RAB3GAP1: variants seen among roughly 807,000 people sequenced by gnomAD.
RAB3GAP1 encodes the protein rab3 GTPase-activating protein catalytic subunit.
A neutral mutation model predicts 130.7 loss-of-function variants in RAB3GAP1; 86 were observed. That is an observed-to-expected ratio of 0.66 (90% CI 0.55 to 0.79). The LOEUF is 0.79. Ranked by LOEUF, RAB3GAP1 falls within the 30% of genes least tolerant of loss-of-function variation. The pLI is 0.00. For missense variants in RAB3GAP1, 1,029 were observed against 1,169.4 expected, an observed-to-expected ratio of 0.88 and a Z score of 1.75; for synonymous variants, 367 against 401.7, an observed-to-expected ratio of 0.91 and a Z score of 1.03.
chr2:135,104,820 C>T (rs911754787), intron 5 of RAB3GAP1, among the ~76,000 whole-genome samples: 4 of 152,126 alleles, frequency 2.6e-5, no homozygotes, highest in East Asian at 1.9e-4. Flanking sequence ...ACCCAGGAGG[C>T]GGAGGCCGCA....
rs537677167 is a variant in RAB3GAP1, at chr2:135,085,683, A to G, written c.151-5315A>G. Among the ~76,000 whole-genome samples the G allele has an allele frequency of 1.6e-4, 24 of 152,308 alleles. No homozygotes were observed. The South Asian group carries it at 4.3e-3, about 28-fold the overall frequency. Reference sequence around the variant, plus strand: ...GCCATTACTGTCTTTTCTTTAGGAAAAAGAGCATCTTCCTCTCACCAACCC... The same window carrying G: ...GCCATTACTGTCTTTTCTTTAGGAAGAAGAGCATCTTCCTCTCACCAACCC... On this transcript the variant is annotated intron_variant, in intron 3 of 23. Transcript: ENST00000264158.
intron 6 of RAB3GAP1, 110 bp from the exon 7 acceptor site, chr2:135,115,106 A>G: frequency 9.8e-7 from 1 of 1,025,030 alleles, no homozygotes; most frequent in Non-Finnish European, 1.5e-6. Context: ...TTGTGTTTCC[A>G]GTTTAGTGCT....
At chr2:135,073,866 T>A (rs1689546901) in intron 3 of RAB3GAP1, among the ~76,000 whole-genome samples, 1 of 152,158 alleles carries the variant, frequency 6.6e-6, no homozygotes, top group South Asian at 2.1e-4. Flanking sequence ...AGGGGCTTCA[T>A]CCCATGATGG....
intron 19 of RAB3GAP1, among the ~76,000 whole-genome samples, chr2:135,160,368 G>C (rs552931636): frequency 6.6e-6 from 1 of 152,156 alleles, no homozygotes; most frequent in South Asian, 2.1e-4. Context: ...TGAGGGAAAG[G>C]GTCATAAAAG....
At chr2:135,172,844 C>T (rs1011110133), downstream of RAB3GAP1, among the ~76,000 whole-genome samples, 2 of 152,172 alleles carry the variant, frequency 1.3e-5, no homozygotes, top group African/African-American at 2.4e-5. Context: ...TCCCCCAGAC[C>T]CACACCCATT....
Position 135,052,307 on chromosome 2 carries a change from G to A in RAB3GAP1, c.-1G>A. ...TAGCGCCAGGCCCGGCGCTCCTCAA[G>A]ATGGCTGCCGACAGTGAGGTGATTT... On this transcript the variant is annotated 5_prime_UTR_variant, in exon 1 of 24. Transcript: ENST00000264158. The A allele has an allele frequency of 6.2e-7, 1 of 1,613,732 alleles. No homozygotes were observed. The highest frequency in any genetic ancestry group is 1.1e-5 in the South Asian group (1 of 91,062).
intron 23 of RAB3GAP1, among the ~76,000 whole-genome samples, chr2:135,167,264 A>C (rs1558808315): frequency 6.6e-6 from 1 of 152,222 alleles, no homozygotes; most frequent in Non-Finnish European, 1.5e-5. Context: ...TCTGGTATGT[A>C]CATACTTAAA....
rs138101179 is a variant in RAB3GAP1, at chr2:135,089,724, G to A, written c.151-1274G>A. Reference sequence around the variant, plus strand: ...TGACAGACTGGATTAAGAAAATGTGGCACATATAAACCATGGAATACTATG... The same window carrying A: ...TGACAGACTGGATTAAGAAAATGTGACACATATAAACCATGGAATACTATG... On this transcript the variant is annotated intron_variant, in intron 3 of 23. Transcript: ENST00000264158. The A allele has an allele frequency of 1.4e-4, 29 of 209,882 alleles. No homozygotes were observed. The East Asian group carries it at 4.8e-3, about 35-fold the overall frequency. The allele number at this position is 209,882 out of a possible 1,614,324, so 13.0% of individuals were successfully genotyped here.
chr2:135,157,956 GTAAC>G (rs1692361640), intron 19 of RAB3GAP1, among the ~76,000 whole-genome samples: 1 of 152,054 alleles, frequency 6.6e-6, no homozygotes, highest in East Asian at 1.9e-4. Flanking sequence ...GGTGAAGTGA[GTAAC>G]TAAATATGTT....
chr2:135,103,171 G>A (rs1574110193), intron 5 of RAB3GAP1, among the ~76,000 whole-genome samples: 1 of 150,882 alleles, frequency 6.6e-6, no homozygotes, highest in African/African-American at 2.4e-5. Flanking sequence ...CGAGTAGATG[G>A]GATTACAGGC....
At chr2:135,167,696 A>G (rs1692697117) in intron 23 of RAB3GAP1, 2 of 1,494,564 alleles carry the variant, frequency 1.3e-6, no homozygotes, top group East Asian at 4.9e-5. Context: ...TCTCAAGCTG[A>G]CTGAATCTTC....
intron 3 of RAB3GAP1, among the ~76,000 whole-genome samples, chr2:135,083,337 A>G (rs938655548): frequency 3.9e-5 from 6 of 152,198 alleles, no homozygotes; most frequent in African/African-American, 4.8e-5. Flanking sequence ...ATCTAGGAGT[A>G]GAATTTCTAG....
chr2:135,152,200 T>C (rs563416979), intron 18 of RAB3GAP1, among the ~76,000 whole-genome samples: 7 of 152,376 alleles, frequency 4.6e-5, no homozygotes, highest in East Asian at 3.9e-4. Flanking sequence ...CCCCAGAGCA[T>C]TGGAAGCATA....
At chr2:135,091,287 C>T (rs895997357) in intron 4 of RAB3GAP1, among the ~76,000 whole-genome samples, 157 bp downstream of exon 4, 3 of 152,096 alleles carry the variant, frequency 2.0e-5, no homozygotes, top group Non-Finnish European at 4.4e-5. Context: ...GGATGAATTA[C>T]ATTGTCATTC....
At chr2:135,147,149 G>A (rs558048171) in intron 17 of RAB3GAP1, among the ~76,000 whole-genome samples, 6 of 152,036 alleles carry the variant, frequency 3.9e-5, no homozygotes, top group South Asian at 2.1e-4. Flanking sequence ...AGTCCAAGAC[G>A]AGCCTGGCCA....
chr2:135,071,914 CT>C (rs2104843187), intron 3 of RAB3GAP1, among the ~76,000 whole-genome samples: 1 of 152,208 alleles, frequency 6.6e-6, no homozygotes, highest in Non-Finnish European at 1.5e-5. Flanking sequence ...ATCTTTCTTT[CT>C]TTCTTTCTTT....
intron 5 of RAB3GAP1, among the ~76,000 whole-genome samples, chr2:135,106,544 C>G (rs1387360433): frequency 6.6e-6 from 1 of 151,924 alleles, no homozygotes; most frequent in Non-Finnish European, 1.5e-5. Context: ...TTAACAGATG[C>G]TTGAAGGCAG....
At chr2:135,124,388 C>CCCAGCCCAGG in intron 9 of RAB3GAP1, 142 bp downstream of exon 9, 2 of 937,914 alleles carry the variant, frequency 2.1e-6, no homozygotes, top group Non-Finnish European at 3.3e-6. Context: ...TACACCTGGG[C>CCCAGCCCAGG]TGGGCACAGG....
intron 5 of RAB3GAP1, among the ~76,000 whole-genome samples, chr2:135,112,088 TCCTGGGGCCA>T (rs765936611): frequency 5.3e-5 from 8 of 152,144 alleles, no homozygotes; most frequent in Non-Finnish European, 1.0e-4. Context: ...GCCATACAAC[TCCTGGGGCCA>T]CCTCCACGAT....
Sources: gnomAD v4.1 joint callset for allele counts (sites outside exome capture counted in the v4.1 genomes callset) on GRCh38, gnomAD v4.1.1 for gene constraint, MANE v1.5 for transcripts, NCBI Gene and HGNC (gene_info 2026-07-23, HGNC 2026-07-21) for gene names.